The following ZNF558 variants were observed in gnomAD, a reference collection of about 807,000 sequenced individuals.
The protein encoded by ZNF558 is zinc finger protein 558.
A neutral mutation model predicts 37.6 loss-of-function variants in ZNF558; 23 were observed. That is an observed-to-expected ratio of 0.61 (90% CI 0.44 to 0.87). The LOEUF (loss-of-function observed/expected upper bound fraction) is 0.87, where lower values mean the gene tolerates loss of function less well. Among genes scored for constraint, ZNF558 ranks in the 40% least tolerant of loss-of-function variants. The pLI is 0.00. For missense variants in ZNF558, 429 were observed against 483.7 expected, an observed-to-expected ratio of 0.89 and a Z score of 1.06; for synonymous variants, 189 against 174.4, an observed-to-expected ratio of 1.08 and a Z score of -0.66.
At chr19:8,819,510 A>G (rs2044027923) in intron 7 of ZNF558, among the ~76,000 whole-genome samples, 1 of 152,208 alleles carries the variant, frequency 6.6e-6, no homozygotes, top group Non-Finnish European at 1.5e-5. Context: ...ATCAAAGGAC[A>G]CTATCAAGAA....
chr19:8,821,655 C>T (rs2044094494), intron 6 of ZNF558: 6 of 1,307,388 alleles, frequency 4.6e-6, no homozygotes, highest in Non-Finnish European at 5.8e-6. Flanking sequence ...ATCATGGGCC[C>T]GTGACATGGC....
At chr19:8,818,771 T>C (rs1188430378) in intron 7 of ZNF558, among the ~76,000 whole-genome samples, 1 of 152,242 alleles carries the variant, frequency 6.6e-6, no homozygotes, top group African/African-American at 2.4e-5. Context: ...GGCTCATGCC[T>C]GTAATCCCTG....
chr19:8,827,151 A>C (rs2044250319), intron 2 of ZNF558, among the ~76,000 whole-genome samples: 1 of 147,206 alleles, frequency 6.8e-6, no homozygotes, highest in South Asian at 2.1e-4. Flanking sequence ...TTCAGTTTAC[A>C]GATCCTGTGA....
chr19:8,825,210 G>A (rs1281609867), intron 2 of ZNF558, 102 bp from the exon 3 acceptor site: 2 of 152,190 alleles, frequency 1.3e-5, no homozygotes, highest in African/African-American at 2.4e-5. Context: ...CACAAATACT[G>A]AAAGACACGT....
upstream of ZNF558, among the ~76,000 whole-genome samples, chr19:8,836,585 G>T (rs1425725833): frequency 6.6e-6 from 1 of 151,754 alleles, no homozygotes. Context: ...TCGACCTCCT[G>T]GGCTCAAGTC....
intron 2 of ZNF558, among the ~76,000 whole-genome samples, chr19:8,826,940 G>GT (rs1167759015): frequency 6.6e-6 from 1 of 152,060 alleles, no homozygotes; most frequent in Non-Finnish European, 1.5e-5. Flanking sequence ...CTTTTTCCCC[G>GT]TAACAGACCT....
At chr19:8,827,698 C>T (rs574583473) in intron 2 of ZNF558, among the ~76,000 whole-genome samples, 7 of 151,886 alleles carry the variant, frequency 4.6e-5, no homozygotes, top group Admixed American at 2.0e-4. Flanking sequence ...CTCAGCCTCC[C>T]GAGCAGCTGG....
chr19:8,821,076 A>C, intron 7 of ZNF558, 104 bp downstream of exon 7: 1 of 1,484,350 alleles, frequency 6.7e-7, no homozygotes, highest in Non-Finnish European at 9.0e-7. Context: ...AAAAATGGTG[A>C]ATTTTATGTT....
chr19:8,817,246 G>T (rs962488283), intron 7 of ZNF558, among the ~76,000 whole-genome samples: 2 of 152,140 alleles, frequency 1.3e-5, no homozygotes, highest in Non-Finnish European at 2.9e-5. Flanking sequence ...CCCAATTACA[G>T]ATGGTCCCCA....
In ZNF558 at chr19:8,811,010, G is replaced by A. The variant is rs1300964547; in HGVS notation, c.*271C>T. 2 of 336,034 alleles carry A rather than the reference G, an allele frequency of 6.0e-6. No individual in the cohort carries two copies. The highest frequency in any genetic ancestry group is 1.1e-5 in the Non-Finnish European group (2 of 183,942). 20.8% of individuals were successfully genotyped at this position (336,034 alleles called of 1,614,324 possible). On this transcript the variant is annotated 3_prime_UTR_variant, in exon 10 of 10. Coordinates refer to ENST00000601372, the MANE Select transcript of ZNF558 (RefSeq NM_144693.3). ...TGGAAGTGGACTGTTCATCAGTAAA[G>A]ATGTTAGATGACTATAGCTTTGGCT...
At chr19:8,815,418 C>T (rs2043909806) in intron 7 of ZNF558, among the ~76,000 whole-genome samples, 1 of 152,074 alleles carries the variant, frequency 6.6e-6, no homozygotes, top group Admixed American at 6.6e-5. Flanking sequence ...CAGAACATAT[C>T]TGAGCAGGCA....
Position 8,807,878 on chromosome 19 carries a change from A to G in ZNF558, c.*3403T>C, listed in dbSNP as rs2145156603. On this transcript the variant is annotated 3_prime_UTR_variant, in exon 10 of 10. Transcript: ENST00000601372. ...ATACTCCGTTAATAGGGTAGTGGTT[A>G]AGTGCATGGACTGTCTGGGTTCAGA... 6.6e-6 allele frequency: 1 copy of G among 152,310 alleles called. No homozygotes were observed. The allele number at this position is 152,310 out of a possible 1,614,324, so 9.4% of individuals were successfully genotyped here.
chr19:8,822,559 C>T lies in ZNF558; in HGVS notation c.31+70G>A, dbSNP rs534846450. On this transcript the variant is annotated intron_variant, in intron 5 of 9. Coordinates refer to ENST00000601372, the MANE Select transcript of ZNF558 (RefSeq NM_144693.3). This position sits in a 1 kb window ranked among gnomAD's most constrained non-coding sequence, Gnocchi z 4.4. The stretch of plus-strand genomic sequence containing the variant: ...CTCACCTGCTCTGCCCAACCCCGCT[C>T]GTGTCCCATGCTGTGGGTCAGAACC... 2 of 1,607,736 alleles carry T rather than the reference C, an allele frequency of 1.2e-6. No individual in the cohort carries two copies. Among genetic ancestry groups the T allele is most frequent in the Admixed American group, 1.7e-5 (1 of 59,894 alleles).
chr19:8,815,207 C>CT (rs2043903821), intron 7 of ZNF558, among the ~76,000 whole-genome samples: 1 of 151,818 alleles, frequency 6.6e-6, no homozygotes, highest in Non-Finnish European at 1.5e-5. Context: ...TTAAAATCTG[C>CT]TAAAAGATGT....
rs533428728 is a variant in ZNF558 at position 8,832,274 on chromosome 19, C to A, written c.-658G>T. 8 of 152,158 alleles carry A rather than the reference C, an allele frequency of 5.3e-5. No individual in the cohort carries two copies. The highest frequency in any genetic ancestry group is 1.9e-4 in the African/African-American group (8 of 41,434). 9.4% of individuals were successfully genotyped at this position (152,158 alleles called of 1,614,324 possible). On this transcript the variant is annotated 5_prime_UTR_variant, in exon 1 of 10. Coordinates refer to ENST00000601372, the MANE Select transcript of ZNF558 (RefSeq NM_144693.3). ...CGGGGACGGAGGGACTCGCTCCCCGCTGCCCCACGCGCGGCCCCTCCCACG... is the reference window on the plus strand; with the variant it reads ...CGGGGACGGAGGGACTCGCTCCCCGATGCCCCACGCGCGGCCCCTCCCACG...
rs1568460884 is a variant in ZNF558 at position 8,811,701 on chromosome 19, GTGA to G, written c.786_788del (p.His264del). 3 of 1,613,926 alleles carry G rather than the reference GTGA, an allele frequency of 1.9e-6. No individual in the cohort carries two copies. The highest frequency in any genetic ancestry group is 2.5e-6 in the Non-Finnish European group (3 of 1,180,022). On this transcript the variant is annotated inframe_deletion, in exon 10 of 10. Transcript: ENST00000601372. Reference sequence around the variant, plus strand: ...CTTTTCCACACTGATTACATTCATGGTGATTCTCCCCCGTGTGAATCCTCTTGT... The same window carrying G: ...CTTTTCCACACTGATTACATTCATGGTTCTCCCCCGTGTGAATCCTCTTGT...
At chr19:8,827,412 T>C (rs2044255733) in intron 2 of ZNF558, among the ~76,000 whole-genome samples, 1 of 152,056 alleles carries the variant, frequency 6.6e-6, no homozygotes, top group Non-Finnish European at 1.5e-5. Flanking sequence ...CCTGAAGTCC[T>C]TGTTATCTGC....
Position 8,806,824 on chromosome 19 carries a change from T to G in ZNF558, c.*4457A>C, listed in dbSNP as rs2043707946. On this transcript the variant is annotated 3_prime_UTR_variant, in exon 10 of 10. Coordinates refer to ENST00000601372, the MANE Select transcript of ZNF558 (RefSeq NM_144693.3). ...CCCTCCTCCAACCCATTTAACCCTT[T>G]ATATGTCAGATGTCATTCATTGTCT... 6.6e-6 allele frequency: 1 copy of G among 152,228 alleles called. No homozygotes were observed. Among genetic ancestry groups the G allele is most frequent in the Non-Finnish European group, 1.5e-5 (1 of 68,040 alleles). The allele number at this position is 152,228 out of a possible 1,614,324, so 9.4% of individuals were successfully genotyped here.
Position 8,807,870 on chromosome 19 carries a change from T to C in ZNF558, c.*3411A>G, listed in dbSNP as rs1555766481. 6.6e-6 allele frequency: 1 copy of C among 152,028 alleles called. No individual in the cohort carries two copies. Among genetic ancestry groups the C allele is most frequent in the Non-Finnish European group, 1.5e-5 (1 of 68,016 alleles). 9.4% of individuals were successfully genotyped at this position (152,028 alleles called of 1,614,324 possible). A position where few individuals can be genotyped will look rare whatever the true frequency, so the allele number is the denominator to read the frequency against. On this transcript the variant is annotated 3_prime_UTR_variant, in exon 10 of 10. Transcript: ENST00000601372. ...CACAGAACATACTCCGTTAATAGGG[T>C]AGTGGTTAAGTGCATGGACTGTCTG...
Sources: gnomAD v4.1 joint callset for allele counts (sites outside exome capture counted in the v4.1 genomes callset) on GRCh38, gnomAD v4.1.1 for gene constraint, Gnocchi (gnomAD v3.1) non-coding constraint, MANE v1.5 for transcripts, NCBI Gene and HGNC (gene_info 2026-07-23, HGNC 2026-07-21) for gene names.